Variants in AUTS2 observed in about 807,000 individuals in gnomAD.
AUTS2 encodes the protein autism susceptibility gene 2 protein.
In AUTS2, 17 loss-of-function variants were observed where a neutral mutation model predicts 112.4. The observed-to-expected ratio is 0.15, with a 90% CI of 0.10 to 0.23. AUTS2 has a LOEUF of 0.23. Ranked by LOEUF, AUTS2 falls within the 10% of genes least tolerant of loss-of-function variation. The pLI is 1.00. For missense variants in AUTS2, 1,510 were observed against 1,701.6 expected, an observed-to-expected ratio of 0.89 and a Z score of 1.98; for synonymous variants, 751 against 702.7, an observed-to-expected ratio of 1.07 and a Z score of -1.09.
chr7:69,607,215 A>G (rs997101100), intron 1 of AUTS2, among the ~76,000 whole-genome samples: 2 of 152,130 alleles, frequency 1.3e-5, no homozygotes, highest in Non-Finnish European at 2.9e-5. Flanking sequence ...CTGAAATCAT[A>G]TGAATTGGTG....
chr7:69,738,962 AGATGTTC>A (rs1562849297), intron 1 of AUTS2, among the ~76,000 whole-genome samples: 1 of 152,104 alleles, frequency 6.6e-6, no homozygotes, highest in Non-Finnish European at 1.5e-5. Context: ...TGTGAATGCA[AGATGTTC>A]GGTGGTGTCC....
chr7:69,983,477 A>G (rs1424260667), intron 2 of AUTS2, among the ~76,000 whole-genome samples: 5 of 152,032 alleles, frequency 3.3e-5, no homozygotes, highest in Admixed American at 2.0e-4. Flanking sequence ...TGGAAAACAC[A>G]TGGTAACCTG....
chr7:70,716,458 C>G (rs1175644373), intron 6 of AUTS2, among the ~76,000 whole-genome samples: 2 of 151,824 alleles, frequency 1.3e-5, no homozygotes, highest in South Asian at 2.1e-4. Context: ...ACAGTGAAAC[C>G]CCATCTCTAC....
intron 1 of AUTS2, among the ~76,000 whole-genome samples, chr7:69,858,091 A>C (rs1004573738): frequency 2.6e-5 from 4 of 152,126 alleles, no homozygotes; most frequent in African/African-American, 9.7e-5. Flanking sequence ...CAGACCCCCT[A>C]ACCAAACTTC....
chr7:70,791,073 G>A lies in AUTS2; in HGVS notation c.*77G>A. The A allele has an allele frequency of 7.2e-7, 1 of 1,379,498 alleles. No homozygotes were observed. The highest frequency in any genetic ancestry group is 9.4e-7 in the Non-Finnish European group (1 of 1,064,928). 85.5% of individuals were successfully genotyped at this position (1,379,498 alleles called of 1,614,324 possible). A position where few individuals can be genotyped will look rare whatever the true frequency, so the allele number is the denominator to read the frequency against. On this transcript the variant is annotated 3_prime_UTR_variant, in exon 19 of 19. Coordinates refer to ENST00000342771, the MANE Select transcript of AUTS2 (RefSeq NM_015570.4). Reference sequence around the variant, plus strand: ...GCCAGGCTTGAGAGACAGAACTCCTGCATGGCTCACACAGACTGGGGGGGA... The same window carrying A: ...GCCAGGCTTGAGAGACAGAACTCCTACATGGCTCACACAGACTGGGGGGGA...
intron 5 of AUTS2, among the ~76,000 whole-genome samples, chr7:70,580,811 G>A (rs1444426672): frequency 1.3e-5 from 2 of 152,202 alleles, no homozygotes; most frequent in Non-Finnish European, 2.9e-5. Context: ...TAACAGATAC[G>A]ACAGGATTTG....
chr7:70,621,729 A>G (rs1158353489), intron 5 of AUTS2, among the ~76,000 whole-genome samples: 2 of 152,146 alleles, frequency 1.3e-5, no homozygotes, highest in Non-Finnish European at 2.9e-5. Flanking sequence ...AAGATTAAGG[A>G]AAAAGGCCTA....
chr7:70,022,996 C>T (rs1800343198), intron 2 of AUTS2, among the ~76,000 whole-genome samples: 1 of 151,866 alleles, frequency 6.6e-6, no homozygotes, highest in Non-Finnish European at 1.5e-5. Context: ...GAACTACAGG[C>T]ACACGCCACC....
chr7:70,365,590 G>A, intron 4 of AUTS2, among the ~76,000 whole-genome samples: 1 of 152,222 alleles, frequency 6.6e-6, no homozygotes, highest in Non-Finnish European at 1.5e-5. Context: ...AATGCAGTGT[G>A]TACTTATCTA....
At chr7:69,806,157 A>G (rs1443945992) in intron 1 of AUTS2, among the ~76,000 whole-genome samples, 1 of 146,524 alleles carries the variant, frequency 6.8e-6, no homozygotes, top group East Asian at 2.0e-4. Context: ...CCACCTCCCA[A>G]AGTGGGATTA....
chr7:69,996,823 CTGTA>C (rs377310572), intron 2 of AUTS2, among the ~76,000 whole-genome samples: 25 of 151,866 alleles, frequency 1.6e-4, no homozygotes, highest in African/African-American at 4.4e-4. Context: ...TACTCATAAA[CTGTA>C]TGTTTACATG....
rs1791976564 is a variant in AUTS2, at chr7:70,791,725, T to C, written c.*729T>C. 1 of 152,416 alleles carries C rather than the reference T, an allele frequency of 6.6e-6. No homozygotes were observed. The highest frequency in any genetic ancestry group is 1.5e-5 in the Non-Finnish European group (1 of 68,044). 9.4% of individuals were successfully genotyped at this position (152,416 alleles called of 1,614,324 possible). On this transcript the variant is annotated 3_prime_UTR_variant, in exon 19 of 19. Transcript: ENST00000342771. ...GCGCTTACGTGATATGACTCTGTTT[T>C]CCTTGCTTGTTTTTTTTCAAACGGA...
chr7:69,633,119 T>C (rs947901415), intron 1 of AUTS2, among the ~76,000 whole-genome samples: 1 of 152,182 alleles, frequency 6.6e-6, no homozygotes, highest in African/African-American at 2.4e-5. Context: ...GTAACCACTG[T>C]TTTGTTCTCT....
chr7:70,106,305 C>T (rs1319386751), intron 2 of AUTS2, among the ~76,000 whole-genome samples: 1 of 152,172 alleles, frequency 6.6e-6, no homozygotes, highest in Non-Finnish European at 1.5e-5. Context: ...TCATGGTGCT[C>T]CATTGACCCT....
At chr7:69,993,318 C>T (rs1563021981) in intron 2 of AUTS2, among the ~76,000 whole-genome samples, 1 of 152,152 alleles carries the variant, frequency 6.6e-6, no homozygotes, top group African/African-American at 2.4e-5. Context: ...TGGGGCGACT[C>T]TCATGGCCCT....
intron 5 of AUTS2, among the ~76,000 whole-genome samples, chr7:70,644,156 C>A: frequency 6.6e-6 from 1 of 152,260 alleles, no homozygotes; most frequent in African/African-American, 2.4e-5. Context: ...TGGAATTCAA[C>A]AATGAAGAAA....
chr7:69,641,285 C>G (rs1794786335), intron 1 of AUTS2, among the ~76,000 whole-genome samples: 2 of 152,236 alleles, frequency 1.3e-5, no homozygotes, highest in South Asian at 4.1e-4. Flanking sequence ...ACCACATTAA[C>G]TGGAACCCCT....
In AUTS2 at chr7:69,732,256, A is replaced by G. The variant is rs989629684; in HGVS notation, c.309+132294A>G. ...CCCTCCCCTTTGGTATTCATTATTT[A>G]TAGTATAAAACATTTGCTGCTTGCT... is the stretch of plus-strand genomic sequence containing the variant. On this transcript the variant is annotated intron_variant, in intron 1 of 18. Coordinates refer to ENST00000342771, the MANE Select transcript of AUTS2 (RefSeq NM_015570.4). Among the ~76,000 whole-genome samples the G allele has an allele frequency of 2.6e-5, 4 of 152,134 alleles. No homozygotes were observed. In the East Asian group the frequency reaches 5.8e-4, roughly 22 times the overall value.
chr7:70,535,175 G>A (rs1800267958), intron 5 of AUTS2, among the ~76,000 whole-genome samples: 1 of 152,076 alleles, frequency 6.6e-6, no homozygotes, highest in African/African-American at 2.4e-5. Flanking sequence ...TTGTGAAATG[G>A]GGATGATTAT....
Sources: allele counts gnomAD v4.1 joint callset (sites outside exome capture counted in the v4.1 genomes callset), GRCh38; gene constraint gnomAD v4.1.1; transcripts MANE v1.5; gene names NCBI Gene and HGNC (gene_info 2026-07-23, HGNC 2026-07-21).